PRKN: variants seen among roughly 807,000 people sequenced by gnomAD.
PRKN encodes parkin RBR E3 ubiquitin protein ligase, also known as E3 ubiquitin-protein ligase parkin.
PRKN carries 56 observed loss-of-function variants against 59.5 expected under a neutral mutation model. The observed-to-expected ratio is 0.94, with a 90% CI of 0.76 to 1.18. PRKN has a LOEUF of 1.18. Ranked by LOEUF, PRKN falls within the 50% of genes most tolerant of loss-of-function variation. PRKN has a pLI of 0.00. For missense variants in PRKN, 657 were observed against 596.4 expected, an observed-to-expected ratio of 1.10 and a Z score of -1.06; for synonymous variants, 250 against 222.1, an observed-to-expected ratio of 1.13 and a Z score of -1.12.
chr6:162,389,427 C>CTCTGT, intron 2 of PRKN, among the ~76,000 whole-genome samples: 1 of 152,256 alleles, frequency 6.6e-6, no homozygotes. Flanking sequence ...GGAAGTGAGG[C>CTCTGT]ATTTCCAAGT....
intron 1 of PRKN, among the ~76,000 whole-genome samples, chr6:162,456,497 C>T (rs974503988): frequency 1.7e-4 from 25 of 151,116 alleles, no homozygotes; most frequent in African/African-American, 6.0e-4. Context: ...ATATCATAAA[C>T]TTTAATTCTT....
chr6:161,769,738 T>A (rs1002542684), intron 7 of PRKN, among the ~76,000 whole-genome samples: 2 of 152,152 alleles, frequency 1.3e-5, no homozygotes, highest in Admixed American at 1.3e-4. Context: ...GGATCTTGGA[T>A]GTGGGGATTA....
intron 7 of PRKN, among the ~76,000 whole-genome samples, chr6:161,573,400 A>G (rs1431144479): frequency 6.6e-6 from 1 of 152,046 alleles, no homozygotes; most frequent in African/African-American, 2.4e-5. Context: ...TTATATCTAG[A>G]CACATTGAAG....
intron 7 of PRKN, among the ~76,000 whole-genome samples, chr6:161,721,866 T>G (rs1469405528): frequency 6.6e-6 from 1 of 152,174 alleles, no homozygotes; most frequent in Non-Finnish European, 1.5e-5. Flanking sequence ...GAATCTCAGT[T>G]TTTACAGATT....
At chr6:162,517,429 T>C (rs901399726) in intron 1 of PRKN, among the ~76,000 whole-genome samples, 4 of 151,598 alleles carry the variant, frequency 2.6e-5, no homozygotes, top group Non-Finnish European at 5.9e-5. Flanking sequence ...TTTTTTTTTT[T>C]GTATTTTTAG....
Position 161,385,718 on chromosome 6 carries a change from G to A in PRKN, c.1167+1076C>T, listed in dbSNP as rs1786211185. ...CCGCCTCCATTACAGCGGTCCTGAG[G>A]CAGGGGTCTCTGGGCCATTATTGCT... On this transcript the variant is annotated intron_variant, in intron 10 of 11. Coordinates refer to ENST00000366898, the MANE Select transcript of PRKN (RefSeq NM_004562.3). This position sits in a 1 kb window ranked among gnomAD's most constrained non-coding sequence, Gnocchi z 4.9. Among the ~76,000 whole-genome samples the A allele has an allele frequency of 6.6e-6, 1 of 152,174 alleles. No homozygotes were observed. Among genetic ancestry groups the A allele is most frequent in the Admixed American group, 6.5e-5 (1 of 15,270 alleles).
At chr6:162,184,695 G>A (rs191302852) in intron 4 of PRKN, among the ~76,000 whole-genome samples, 2 of 152,188 alleles carry the variant, frequency 1.3e-5, no homozygotes, top group African/African-American at 2.4e-5. Context: ...TCATAGCAGC[G>A]TGAGAACGGA....
chr6:162,288,236 G>A (rs1334732508), intron 2 of PRKN, among the ~76,000 whole-genome samples: 1 of 152,102 alleles, frequency 6.6e-6, no homozygotes, highest in Non-Finnish European at 1.5e-5. Context: ...GCCAACAAGA[G>A]GAAAAACATC....
intron 7 of PRKN, among the ~76,000 whole-genome samples, chr6:161,774,656 G>A (rs971333001): frequency 6.6e-6 from 1 of 152,150 alleles, no homozygotes; most frequent in African/African-American, 2.4e-5. Flanking sequence ...CTGGGTCCCT[G>A]GATAACGGAG....
At position 162,249,097 on chromosome 6, in the gene PRKN, C is replaced by T. The variant is rs182450668; in HGVS notation, c.412+13428G>A. Among the ~76,000 whole-genome samples, 760 of 152,214 alleles carry T rather than the reference C, an allele frequency of 5.0e-3. 11 individuals carry two copies. The highest frequency in any genetic ancestry group is 0.017 in the African/African-American group (711 of 41,524). ...GTTTCACCATGTTGGCCAGGATGGT[C>T]TCGATCTCTTGACCTCGTGATCAGC... On this transcript the variant is annotated intron_variant, in intron 3 of 11. Transcript: ENST00000366898.
intron 2 of PRKN, among the ~76,000 whole-genome samples, chr6:162,432,397 G>T (rs999329632): frequency 6.6e-6 from 1 of 151,928 alleles, no homozygotes; most frequent in African/African-American, 2.4e-5. Context: ...GTGTTGGCAC[G>T]CAGCTGTAAT....
At chr6:162,327,348 T>C (rs1783338637) in intron 2 of PRKN, among the ~76,000 whole-genome samples, 1 of 152,218 alleles carries the variant, frequency 6.6e-6, no homozygotes, top group Non-Finnish European at 1.5e-5. Context: ...TTGTGTTTTA[T>C]TTTTTATTTT....
At chr6:161,915,066 C>T (rs868684216) in intron 6 of PRKN, among the ~76,000 whole-genome samples, 2 of 152,114 alleles carry the variant, frequency 1.3e-5, no homozygotes, top group African/African-American at 2.4e-5. Context: ...AGGTGGATCA[C>T]CTGAGGTCAG....
chr6:161,914,096 G>A (rs1778465731), intron 6 of PRKN, among the ~76,000 whole-genome samples: 1 of 152,160 alleles, frequency 6.6e-6, no homozygotes, highest in Non-Finnish European at 1.5e-5. Flanking sequence ...GAACAAAGAT[G>A]CTCATGAAGC....
At chr6:161,572,739 A>C (rs1780939549) in intron 7 of PRKN, among the ~76,000 whole-genome samples, 1 of 152,208 alleles carries the variant, frequency 6.6e-6, no homozygotes, top group Admixed American at 6.5e-5. Context: ...TTTCACAGGC[A>C]TGTCTGGTAC....
chr6:162,111,958 C>A (rs1009654866), intron 4 of PRKN, among the ~76,000 whole-genome samples: 1 of 152,172 alleles, frequency 6.6e-6, no homozygotes, highest in Non-Finnish European at 1.5e-5. Flanking sequence ...TACAGAGAAT[C>A]AAAATGCGCT....
intron 2 of PRKN, among the ~76,000 whole-genome samples, chr6:162,293,837 C>T (rs974298991): frequency 2.7e-4 from 41 of 152,222 alleles, no homozygotes; most frequent in African/African-American, 9.4e-4. Flanking sequence ...CGCCACCGCA[C>T]CCGGCTAATT....
At chr6:161,879,414 C>T (rs1794849628) in intron 6 of PRKN, among the ~76,000 whole-genome samples, 1 of 137,812 alleles carries the variant, frequency 7.3e-6, no homozygotes, top group Non-Finnish European at 1.5e-5. Flanking sequence ...GTGGTGCAAT[C>T]TTGGCTCACT....
intron 4 of PRKN, among the ~76,000 whole-genome samples, chr6:162,172,313 C>T (rs1783319687): frequency 6.6e-6 from 1 of 152,154 alleles, no homozygotes; most frequent in Non-Finnish European, 1.5e-5. Flanking sequence ...AAATGAGGCA[C>T]ATCCTGTACT....
Sources: allele counts gnomAD v4.1 joint callset (sites outside exome capture counted in the v4.1 genomes callset), GRCh38; gene constraint gnomAD v4.1.1; non-coding constraint Gnocchi (gnomAD v3.1); transcripts MANE v1.5; gene names NCBI Gene and HGNC (gene_info 2026-07-23, HGNC 2026-07-21).